The following TBC1D22A variants were observed in gnomAD, a reference collection of about 807,000 sequenced individuals.
TBC1D22A encodes TBC1 domain family member 22A, also known as putative GTPase activator.
Under a neutral mutation model 60.2 loss-of-function variants are expected in TBC1D22A, and 38 were observed. The ratio of observed to expected loss-of-function variants is 0.63; its 90% CI spans 0.49 to 0.83. TBC1D22A has a LOEUF of 0.83. Among genes scored for constraint, TBC1D22A ranks in the 40% least tolerant of loss-of-function variants. The pLI, the probability that TBC1D22A is intolerant of heterozygous loss-of-function variation, is 0.00. For missense variants in TBC1D22A, 628 were observed against 701.0 expected, an observed-to-expected ratio of 0.90 and a Z score of 1.18; for synonymous variants, 302 against 281.7, an observed-to-expected ratio of 1.07 and a Z score of -0.72.
chr22:46,860,717 T>G (rs538899796), intron 4 of TBC1D22A, among the ~76,000 whole-genome samples: 4 of 152,238 alleles, frequency 2.6e-5, no homozygotes, highest in Non-Finnish European at 5.9e-5. Flanking sequence ...GCCAGCGTCT[T>G]CTGGCGACAG....
In TBC1D22A at chr22:47,172,031, G is replaced by GTGCCT. The variant is rs1569482582; in HGVS notation, c.1426-1467_1426-1466insTGCCT. On this transcript the variant is annotated intron_variant, in intron 12 of 12. Coordinates refer to ENST00000337137, the MANE Select transcript of TBC1D22A (RefSeq NM_014346.5). The stretch of plus-strand genomic sequence containing the variant: ...AGTGTGCCTACCCAGCACTCCCAGT[G>GTGCCT]AGCCTACCCAGCACTCCCAGTGAGC... 3.3e-3 allele frequency among the ~76,000 whole-genome samples: 278 copies of GTGCCT among 85,324 alleles called. 9 individuals are homozygous for GTGCCT. The highest frequency in any genetic ancestry group is 7.8e-3 in the East Asian group (23 of 2,966). 56.0% of individuals were successfully genotyped at this position (85,324 alleles called of 152,430 possible).
intron 12 of TBC1D22A, among the ~76,000 whole-genome samples, chr22:47,145,755 C>A (rs962838200): frequency 6.6e-6 from 1 of 152,174 alleles, no homozygotes; most frequent in Non-Finnish European, 1.5e-5. Flanking sequence ...TCAGGTCTTA[C>A]GTTCTTTTTC....
At chr22:47,086,921 T>C (rs541776662) in intron 11 of TBC1D22A, among the ~76,000 whole-genome samples, 104 of 152,344 alleles carry the variant, frequency 6.8e-4, no homozygotes, top group African/African-American at 2.3e-3. Flanking sequence ...GTAGCACTGT[T>C]TGCAGTAGCA....
At chr22:47,142,674 A>C in intron 12 of TBC1D22A, among the ~76,000 whole-genome samples, 5 of 105,426 alleles carry the variant, frequency 4.7e-5, no homozygotes, top group African/African-American at 7.8e-5. Flanking sequence ...CTACTCACCC[A>C]CCTATCTACC....
At chr22:46,943,648 C>T (rs1485763880) in intron 8 of TBC1D22A, among the ~76,000 whole-genome samples, 1 of 152,162 alleles carries the variant, frequency 6.6e-6, no homozygotes. Flanking sequence ...GCAACAATTG[C>T]CACACTCTTG....
In TBC1D22A at chr22:46,783,839, A is replaced by T. The variant is rs182872588; in HGVS notation, c.63-8681A>T. On this transcript the variant is annotated intron_variant, in intron 1 of 12. Coordinates refer to ENST00000337137, the MANE Select transcript of TBC1D22A (RefSeq NM_014346.5). ...GGGCATCTAGGTTTATCTCAAAAAA[A>T]TTTTTTTTATCTTTTTTAGCATTAT... Among the ~76,000 whole-genome samples the T allele has an allele frequency of 2.2e-3, 329 of 152,026 alleles. 4 individuals carry two copies. Among genetic ancestry groups the T allele is most frequent in the African/African-American group, 7.2e-3 (299 of 41,452 alleles).
intron 11 of TBC1D22A, among the ~76,000 whole-genome samples, chr22:47,110,263 G>A (rs1026656173): frequency 5.3e-5 from 8 of 152,008 alleles, no homozygotes; most frequent in East Asian, 1.9e-4. Context: ...GTGGATCACC[G>A]GAGGTCAGGA....
intron 10 of TBC1D22A, among the ~76,000 whole-genome samples, chr22:47,017,287 C>A (rs138314839): frequency 6.6e-6 from 1 of 152,144 alleles, no homozygotes; most frequent in Non-Finnish European, 1.5e-5. Flanking sequence ...GCTAAGGAGA[C>A]GGTCCATGCA....
intron 12 of TBC1D22A, among the ~76,000 whole-genome samples, chr22:47,137,589 C>T (rs1479244310): frequency 6.6e-6 from 1 of 152,238 alleles, no homozygotes; most frequent in Non-Finnish European, 1.5e-5. Flanking sequence ...AGCCCTGAAG[C>T]TGCCCCTGCC....
chr22:47,121,383 A>G (rs1256956799), intron 12 of TBC1D22A, among the ~76,000 whole-genome samples: 1 of 152,162 alleles, frequency 6.6e-6, no homozygotes, highest in Non-Finnish European at 1.5e-5. Flanking sequence ...TGGAAAAACA[A>G]ATTGGCAGCA....
intron 12 of TBC1D22A, 104 bp from the exon 13 acceptor site, chr22:47,173,394 C>A: frequency 6.7e-7 from 1 of 1,486,938 alleles, no homozygotes; most frequent in Non-Finnish European, 9.2e-7. Flanking sequence ...CCGTGGGTCA[C>A]CTCCTCTGAC....
chr22:47,138,278 T>C (rs2066948240), intron 12 of TBC1D22A, among the ~76,000 whole-genome samples: 1 of 152,176 alleles, frequency 6.6e-6, no homozygotes, highest in Non-Finnish European at 1.5e-5. Flanking sequence ...CAGCTAAGGA[T>C]GCACAGACCC....
chr22:46,918,119 A>G (rs1400173523), intron 8 of TBC1D22A, among the ~76,000 whole-genome samples: 2 of 152,250 alleles, frequency 1.3e-5, no homozygotes, highest in Non-Finnish European at 2.9e-5. Context: ...AAAACAGCTT[A>G]GAACCAGGTA....
intron 5 of TBC1D22A, among the ~76,000 whole-genome samples, chr22:46,881,601 G>T (rs1174122907): frequency 5.3e-5 from 8 of 152,212 alleles, no homozygotes; most frequent in African/African-American, 1.7e-4. Context: ...CCAGTGTCTG[G>T]CTCGTAGGAG....
chr22:47,139,180 T>A (rs1319125696), intron 12 of TBC1D22A, among the ~76,000 whole-genome samples: 14 of 152,212 alleles, frequency 9.2e-5, no homozygotes, highest in Admixed American at 7.9e-4. Flanking sequence ...GTTTATGTGC[T>A]TCAGTCACCG....
At chr22:47,140,868 C>T (rs2067058350) in intron 12 of TBC1D22A, among the ~76,000 whole-genome samples, 1 of 152,244 alleles carries the variant, frequency 6.6e-6, no homozygotes, top group Non-Finnish European at 1.5e-5. Context: ...CCACAATCGG[C>T]AGCACACAGC....
chr22:47,142,981 C>T (rs147270245), intron 12 of TBC1D22A, among the ~76,000 whole-genome samples: 2 of 150,808 alleles, frequency 1.3e-5, no homozygotes, highest in Non-Finnish European at 2.9e-5. Flanking sequence ...TCAGAGGAGG[C>T]AGACTCTGGT....
chr22:47,003,593 C>T (rs569756244), intron 10 of TBC1D22A, among the ~76,000 whole-genome samples: 33 of 147,256 alleles, frequency 2.2e-4, no homozygotes, highest in South Asian at 8.7e-4. Context: ...ACACACCCTA[C>T]GCACACATGC....
chr22:46,901,133 A>G (rs2068969054), intron 7 of TBC1D22A, among the ~76,000 whole-genome samples: 1 of 152,220 alleles, frequency 6.6e-6, no homozygotes, highest in Non-Finnish European at 1.5e-5. Flanking sequence ...AAATAAATCC[A>G]GATTGGTCAT....
Sources: gnomAD v4.1 joint callset for allele counts (sites outside exome capture counted in the v4.1 genomes callset) on GRCh38, gnomAD v4.1.1 for gene constraint, MANE v1.5 for transcripts, NCBI Gene and HGNC (gene_info 2026-07-23, HGNC 2026-07-21) for gene names.